Variants in SEC14L1 observed in about 807,000 individuals in gnomAD.
The protein encoded by SEC14L1 is SEC14-like protein 1.
SEC14L1 carries 48 observed loss-of-function variants against 85.3 expected under a neutral mutation model. The ratio of observed to expected loss-of-function variants is 0.56; its 90% CI spans 0.45 to 0.72. SEC14L1 has a LOEUF of 0.72. Ranked by LOEUF, SEC14L1 falls within the 30% of genes least tolerant of loss-of-function variation. The pLI is 0.00. For missense variants in SEC14L1, 682 were observed against 921.4 expected (o/e 0.74, Z 3.36); for synonymous variants, 391 against 355.5 (o/e 1.10, Z -1.12).
Position 77,206,607 on chromosome 17 carries a change from G to A in SEC14L1, c.1342-121G>A. Reference sequence around the variant, plus strand: ...TGCCATGCAAATAGACTTTACAGAAGAAGTATATAAACTTGAATGTCTTCC... The same window carrying A: ...TGCCATGCAAATAGACTTTACAGAAAAAGTATATAAACTTGAATGTCTTCC... On this transcript the variant is annotated intron_variant, in intron 12 of 16. Coordinates refer to ENST00000436233, the MANE Select transcript of SEC14L1 (RefSeq NM_001143998.2). This position sits in a 1 kb window ranked among gnomAD's most constrained non-coding sequence, Gnocchi z 4.3. 1 of 1,290,870 alleles carries A rather than the reference G, an allele frequency of 7.7e-7. No homozygotes were observed. The highest frequency in any genetic ancestry group is 1.1e-6 in the Non-Finnish European group (1 of 931,180). 80.0% of individuals were successfully genotyped at this position (1,290,870 alleles called of 1,614,324 possible). A position where few individuals can be genotyped will look rare whatever the true frequency, so the allele number is the denominator to read the frequency against.
intron 3 of SEC14L1, among the ~76,000 whole-genome samples, chr17:77,099,358 A>G (rs1047533349): frequency 5.9e-5 from 9 of 152,192 alleles, no homozygotes; most frequent in African/African-American, 2.2e-4. Flanking sequence ...TCTGAAAGTC[A>G]AATTTCTGAC....
intron 3 of SEC14L1, among the ~76,000 whole-genome samples, chr17:77,103,836 G>A (rs576002268): frequency 6.7e-6 from 1 of 150,064 alleles, no homozygotes; most frequent in African/African-American, 2.5e-5. Context: ...ATGGGGTTAT[G>A]AGGATACAAT....
chr17:77,176,865 G>T (rs1974780090), intron 3 of SEC14L1, among the ~76,000 whole-genome samples: 1 of 152,142 alleles, frequency 6.6e-6, no homozygotes, highest in Non-Finnish European at 1.5e-5. Context: ...GGGATTACAG[G>T]CGTGAGCCCC....
At chr17:77,197,278 C>T (rs1026920087) in intron 8 of SEC14L1, among the ~76,000 whole-genome samples, 13 of 152,190 alleles carry the variant, frequency 8.5e-5, no homozygotes, top group African/African-American at 3.1e-4. Flanking sequence ...AACACATGGC[C>T]ACGGAGGAAG....
At chr17:77,165,324 CAT>C (rs1567904807) in intron 3 of SEC14L1, among the ~76,000 whole-genome samples, 1 of 152,154 alleles carries the variant, frequency 6.6e-6, no homozygotes, top group African/African-American at 2.4e-5. Context: ...GTGCTGACAA[CAT>C]GTGCTCAAGG....
intron 8 of SEC14L1, among the ~76,000 whole-genome samples, chr17:77,199,907 G>T (rs1455867073): frequency 3.9e-5 from 6 of 152,224 alleles, no homozygotes; most frequent in Non-Finnish European, 1.5e-5. Flanking sequence ...GGTGGCTCAT[G>T]CCTATAATCC....
chr17:77,202,438 G>T (rs550148729), intron 9 of SEC14L1, among the ~76,000 whole-genome samples: 63 of 152,234 alleles, frequency 4.1e-4, no homozygotes, highest in African/African-American at 1.5e-3. Context: ...GGCCAGCATG[G>T]TGAAACCCCG....
intron 3 of SEC14L1, among the ~76,000 whole-genome samples, chr17:77,151,918 A>G (rs1376486308): frequency 6.6e-6 from 1 of 152,214 alleles, no homozygotes; most frequent in Admixed American, 6.5e-5. Context: ...AGCAGATTTC[A>G]GGTATCTTGT....
At chr17:77,124,241 A>G (rs1972378140) in intron 3 of SEC14L1, among the ~76,000 whole-genome samples, 1 of 152,132 alleles carries the variant, frequency 6.6e-6, no homozygotes, top group Admixed American at 6.5e-5. Flanking sequence ...GCGTGCGCCT[A>G]TAGTCTCAGC....
intron 3 of SEC14L1, among the ~76,000 whole-genome samples, chr17:77,118,050 C>G (rs1353510652): frequency 1.3e-5 from 2 of 152,256 alleles, no homozygotes; most frequent in Non-Finnish European, 2.9e-5. Context: ...CAGCGGGAAT[C>G]ATTTGATTTT....
chr17:77,170,826 G>A (rs1235509909), intron 3 of SEC14L1, among the ~76,000 whole-genome samples: 7 of 152,186 alleles, frequency 4.6e-5, no homozygotes, highest in African/African-American at 7.2e-5. Flanking sequence ...GCTTGAGTGA[G>A]CCCTTTAATA....
At chr17:77,102,164 C>T (rs1971792799) in intron 3 of SEC14L1, among the ~76,000 whole-genome samples, 1 of 152,254 alleles carries the variant, frequency 6.6e-6, no homozygotes, top group South Asian at 2.1e-4. Flanking sequence ...TTGAGCATCA[C>T]AGGCAGCCCA....
intron 3 of SEC14L1, among the ~76,000 whole-genome samples, chr17:77,181,647 G>T (rs1472043146): frequency 1.3e-5 from 2 of 152,160 alleles, no homozygotes; most frequent in East Asian, 3.9e-4. Flanking sequence ...CTAACCTCGG[G>T]TGAGGTAGTC....
At chr17:77,120,552 C>T (rs1266979499) in intron 3 of SEC14L1, among the ~76,000 whole-genome samples, 1 of 152,016 alleles carries the variant, frequency 6.6e-6, no homozygotes, top group Non-Finnish European at 1.5e-5. Flanking sequence ...TCTCGGCTCA[C>T]TGTAACCTCT....
intron 7 of SEC14L1, among the ~76,000 whole-genome samples, chr17:77,195,735 ACCTCAG>A (rs1975777995): frequency 6.6e-6 from 1 of 151,414 alleles, no homozygotes; most frequent in South Asian, 2.1e-4. Flanking sequence ...TGATCTGGCC[ACCTCAG>A]CCTCCTGAGT....
intron 3 of SEC14L1, chr17:77,185,134 T>G (rs1975210458): frequency 1.2e-6 from 1 of 821,578 alleles, no homozygotes; most frequent in Admixed American, 6.2e-5. Context: ...CAAAACATGT[T>G]TTTTGGACAA....
chr17:77,154,648 G>GTTTTTTTTTTTTT (rs1169954219), intron 3 of SEC14L1, among the ~76,000 whole-genome samples: 1 of 81,826 alleles, frequency 1.2e-5, no homozygotes, highest in Admixed American at 1.1e-4. Context: ...TTTTTTTTTG[G>GTTTTTTTTTTTTT]TTTTTTTTTA....
intron 3 of SEC14L1, among the ~76,000 whole-genome samples, chr17:77,179,173 C>T (rs1217551914): frequency 6.6e-6 from 1 of 152,050 alleles, no homozygotes; most frequent in African/African-American, 2.4e-5. Context: ...TGGCCCATTC[C>T]CTGTCTGTTG....
In SEC14L1 at chr17:77,206,996, C is replaced by T; in HGVS notation, c.1476+134C>T. On this transcript the variant is annotated intron_variant, in intron 13 of 16. Transcript: ENST00000436233. This position sits in a 1 kb window ranked among gnomAD's most constrained non-coding sequence, Gnocchi z 4.3. ...GTTTTTGTTTTGTTTCTTTTGGCCG[C>T]CATTTCTCTGATCCAGGGTTAAGCT... 1 of 917,034 alleles carries T rather than the reference C, an allele frequency of 1.1e-6. No homozygotes were observed. The highest frequency in any genetic ancestry group is 1.6e-6 in the Non-Finnish European group (1 of 628,806). 56.8% of individuals were successfully genotyped at this position (917,034 alleles called of 1,614,324 possible).
Sources: gnomAD v4.1 joint callset for allele counts (sites outside exome capture counted in the v4.1 genomes callset) on GRCh38, gnomAD v4.1.1 for gene constraint, Gnocchi (gnomAD v3.1) non-coding constraint, MANE v1.5 for transcripts, NCBI Gene and HGNC (gene_info 2026-07-23, HGNC 2026-07-21) for gene names.